CDIP1: variants seen among roughly 807,000 people sequenced by gnomAD.
The protein encoded by CDIP1 is cell death inducing p53 target 1.
In CDIP1, 9 loss-of-function variants were observed where a neutral mutation model predicts 17.7. That is an observed-to-expected ratio of 0.51 (90% CI 0.31 to 0.89). The LOEUF (loss-of-function observed/expected upper bound fraction) is 0.89. Ranked by LOEUF, CDIP1 falls within the 40% of genes least tolerant of loss-of-function variation. The pLI, the probability that CDIP1 is intolerant of heterozygous loss-of-function variation, is 0.05. For synonymous variants in CDIP1, 117 were observed against 109.5 expected (o/e 1.07, Z -0.43); for missense variants, 263 against 277.9 (o/e 0.95, Z 0.38).
Position 4,512,332 on chromosome 16 carries a change from C to A in CDIP1, c.*240G>T, listed in dbSNP as rs1390853411. 5.1e-6 allele frequency: 3 copies of A among 584,618 alleles called. No homozygotes were observed. The highest frequency in any genetic ancestry group is 2.0e-5 in the South Asian group (1 of 50,124). 36.2% of individuals were successfully genotyped at this position (584,618 alleles called of 1,614,324 possible). A position where few individuals can be genotyped will look rare whatever the true frequency, so the allele number is the denominator to read the frequency against. On this transcript the variant is annotated 3_prime_UTR_variant, in exon 6 of 6. Coordinates refer to ENST00000567695, the MANE Select transcript of CDIP1 (RefSeq NM_013399.3). This position sits in a 1 kb window ranked among gnomAD's most constrained non-coding sequence, Gnocchi z 4.6. ...CGATCACACACACCAAGCAGACCAACAACACACAAGCTCATTGTCAGCCCC... is the reference window on the plus strand; with the variant it reads ...CGATCACACACACCAAGCAGACCAAAAACACACAAGCTCATTGTCAGCCCC...
At chr16:4,521,993 G>A (rs1224011840) in intron 1 of CDIP1, among the ~76,000 whole-genome samples, 1 of 152,190 alleles carries the variant, frequency 6.6e-6, no homozygotes, top group Non-Finnish European at 1.5e-5. Context: ...AAAACAACAG[G>A]TATTGACGCC....
In CDIP1 at chr16:4,513,452, C is replaced by A. The variant is rs1188954625; in HGVS notation, c.241+244G>T. ...CTCCTGCACACAAGGCGCCCCTCCC[C>A]ACCCATGTCAGGTCCTGGTGTGCCA... On this transcript the variant is annotated intron_variant, in intron 4 of 5. Transcript: ENST00000567695. The surrounding 1 kb of genome is among the most constrained non-coding windows in gnomAD (Gnocchi z 4.1). Among the ~76,000 whole-genome samples the A allele has an allele frequency of 6.6e-6, 1 of 152,300 alleles. No homozygotes were observed. The highest frequency in any genetic ancestry group is 1.9e-4 in the East Asian group (1 of 5,178).
In CDIP1 at chr16:4,512,761, C is replaced by T. The variant is rs1231343311; in HGVS notation, c.515+30G>A. On this transcript the variant is annotated intron_variant, in intron 5 of 5. Transcript: ENST00000567695. This position sits in a 1 kb window ranked among gnomAD's most constrained non-coding sequence, Gnocchi z 4.6. ...GGCAGCCAGTTGACCCTGGTGCAGC[C>T]CCCACCCTACCAGTGCCCACACCAC... 6.3e-6 allele frequency: 10 copies of T among 1,597,448 alleles called. No individual in the cohort carries two copies. The highest frequency in any genetic ancestry group is 8.5e-6 in the Non-Finnish European group (10 of 1,171,398).
chr16:4,523,599 G>A (rs915023690), intron 1 of CDIP1, among the ~76,000 whole-genome samples: 5 of 151,968 alleles, frequency 3.3e-5, no homozygotes, highest in African/African-American at 1.2e-4. Flanking sequence ...CACCCCCCTC[G>A]CCAAAAAACC....
chr16:4,514,091 T>G lies in CDIP1; in HGVS notation c.40A>C (p.Thr14Pro). 1.4e-5 allele frequency: 21 copies of G among 1,542,080 alleles called. No individual in the cohort carries two copies. The highest frequency in any genetic ancestry group is 1.8e-5 in the Non-Finnish European group (21 of 1,155,286). ...EPPPPYPGGP[T>P]APLLEEKSGA... Reference sequence around the variant, plus strand: ...CTTTTCTCTTCCAGAAGTGGGGCTGTGGGGCCCCCAGGATAAGGAGGGGGA... The same window carrying G: ...CTTTTCTCTTCCAGAAGTGGGGCTGGGGGGCCCCCAGGATAAGGAGGGGGA... The change falls in exon 3 of 6, where the codon ACA (threonine) becomes CCA (proline). Residue 14 changes from threonine (T) to proline (P), a missense_variant. By Grantham distance (38) the Thr-to-Pro change is conservative. Transcript: ENST00000567695. The surrounding 1 kb of genome is among the most constrained non-coding windows in gnomAD (Gnocchi z 5.2).
chr16:4,524,477 T>TA (rs1482302095), intron 1 of CDIP1, among the ~76,000 whole-genome samples: 1 of 152,138 alleles, frequency 6.6e-6, no homozygotes, highest in African/African-American at 2.4e-5. Context: ...CGAGCTTTCT[T>TA]AGAGTGACAA....
intron 1 of CDIP1, among the ~76,000 whole-genome samples, chr16:4,524,588 T>C (rs531147115): frequency 6.6e-6 from 1 of 152,184 alleles, no homozygotes; most frequent in East Asian, 1.9e-4. Flanking sequence ...CTTTCCTGCC[T>C]TCCTCCCATC....
rs1388458480 is a variant in CDIP1 at position 4,514,186 on chromosome 16, G to T, written c.-14-42C>A. On this transcript the variant is annotated intron_variant, in intron 2 of 5. Transcript: ENST00000567695. The surrounding 1 kb of genome is among the most constrained non-coding windows in gnomAD (Gnocchi z 5.2). ...AACCCAGACATGAACTAAGCTCCCA[G>T]CCAGGTTCCTTCTCCTTCAGCCCTG... The T allele has an allele frequency of 1.7e-5, 20 of 1,191,702 alleles. No individual in the cohort carries two copies. The highest frequency in any genetic ancestry group is 2.3e-5 in the Non-Finnish European group (20 of 857,286). The allele number at this position is 1,191,702 out of a possible 1,614,324, so 73.8% of individuals were successfully genotyped here. A position where few individuals can be genotyped will look rare whatever the true frequency, so the allele number is the denominator to read the frequency against.
intron 1 of CDIP1, among the ~76,000 whole-genome samples, chr16:4,521,619 C>G (rs745312740): frequency 1.4e-5 from 2 of 147,662 alleles, no homozygotes; most frequent in East Asian, 2.1e-4. Context: ...TTCCAGCACT[C>G]GGGGAGGCCG....
chr16:4,526,087 G>A (rs375279842), intron 1 of CDIP1, among the ~76,000 whole-genome samples: 6 of 152,016 alleles, frequency 3.9e-5, no homozygotes, highest in East Asian at 1.9e-4. Flanking sequence ...GCTCCTCCTC[G>A]ACCATGATGA....
chr16:4,512,392 C>A lies in CDIP1; in HGVS notation c.*180G>T. On this transcript the variant is annotated 3_prime_UTR_variant, in exon 6 of 6. Coordinates refer to ENST00000567695, the MANE Select transcript of CDIP1 (RefSeq NM_013399.3). This position sits in a 1 kb window ranked among gnomAD's most constrained non-coding sequence, Gnocchi z 4.6. ...ACTGACCCTTGGCCTTAAATCCCAA[C>A]AGAATTTTTGCCAGAAGAGTCAGCG... 4.9e-6 allele frequency: 3 copies of A among 612,316 alleles called. No homozygotes were observed. The highest frequency in any genetic ancestry group is 1.9e-5 in the South Asian group (1 of 52,518). 37.9% of individuals were successfully genotyped at this position (612,316 alleles called of 1,614,324 possible).
At chr16:4,535,312 A>T (rs965470413) in intron 1 of CDIP1, among the ~76,000 whole-genome samples, 1 of 152,214 alleles carries the variant, frequency 6.6e-6, no homozygotes. Context: ...CTCAATGTAC[A>T]GACCAAGCCA....
At chr16:4,534,709 T>C (rs979175471) in intron 1 of CDIP1, among the ~76,000 whole-genome samples, 2 of 151,706 alleles carry the variant, frequency 1.3e-5, no homozygotes, top group East Asian at 3.9e-4. Context: ...TTTTTTTTTT[T>C]TTTTGGTTTT....
At chr16:4,533,047 G>C (rs1053638190) in intron 1 of CDIP1, 1 of 152,198 alleles carries the variant, frequency 6.6e-6, no homozygotes, top group African/African-American at 2.4e-5. Flanking sequence ...CCTCCATGGA[G>C]GTCACTCACC....
In CDIP1 at chr16:4,513,579, G is replaced by T; in HGVS notation, c.241+117C>A. 2.4e-6 allele frequency: 2 copies of T among 847,924 alleles called. No individual in the cohort carries two copies. Among genetic ancestry groups the T allele is most frequent in the Non-Finnish European group, 3.8e-6 (2 of 524,152 alleles). 52.5% of individuals were successfully genotyped at this position (847,924 alleles called of 1,614,324 possible). ...CCTGAGCCCTAGGCAAGGGCTGGTT[G>T]GGCGTGTTGGAGTCCCTGCCCTACA... On this transcript the variant is annotated intron_variant, in intron 4 of 5. Transcript: ENST00000567695. The surrounding 1 kb of genome is among the most constrained non-coding windows in gnomAD (Gnocchi z 4.1).
intron 1 of CDIP1, chr16:4,536,845 G>C (rs1157586387): frequency 6.6e-6 from 1 of 151,488 alleles, no homozygotes; most frequent in Non-Finnish European, 1.5e-5. Flanking sequence ...CAGGAGGATC[G>C]CTGGAGACAA....
chr16:4,524,551 G>A (rs1282774314), intron 1 of CDIP1, among the ~76,000 whole-genome samples: 4 of 152,202 alleles, frequency 2.6e-5, no homozygotes, highest in Middle Eastern at 3.4e-3. Flanking sequence ...AGGGCAAGCC[G>A]ACTCAGCCCG....
At position 4,514,003 on chromosome 16, in the gene CDIP1, C is replaced by T; in HGVS notation, c.85+43G>A. Reference sequence around the variant, plus strand: ...GAGAGTCCCAACCATGCCATGGCGGCAGGGGGCTGCAATATGGAGCCTCAG... The same window carrying T: ...GAGAGTCCCAACCATGCCATGGCGGTAGGGGGCTGCAATATGGAGCCTCAG... On this transcript the variant is annotated intron_variant, in intron 3 of 5. Transcript: ENST00000567695. This position sits in a 1 kb window ranked among gnomAD's most constrained non-coding sequence, Gnocchi z 5.2. The T allele has an allele frequency of 7.3e-7, 1 of 1,364,106 alleles. No individual in the cohort carries two copies. Among genetic ancestry groups the T allele is most frequent in the Non-Finnish European group, 9.9e-7 (1 of 1,009,716 alleles). The allele number at this position is 1,364,106 out of a possible 1,614,324, so 84.5% of individuals were successfully genotyped here.
In CDIP1 at chr16:4,514,988, T is replaced by G. The variant is rs572557419; in HGVS notation, c.-104-324A>C. 1 of 152,638 alleles carries G rather than the reference T, an allele frequency of 6.6e-6. No homozygotes were observed. The highest frequency in any genetic ancestry group is 1.5e-5 in the Non-Finnish European group (1 of 68,224). 9.5% of individuals were successfully genotyped at this position (152,638 alleles called of 1,614,324 possible). On this transcript the variant is annotated intron_variant, in intron 1 of 5. Coordinates refer to ENST00000567695, the MANE Select transcript of CDIP1 (RefSeq NM_013399.3). This position sits in a 1 kb window ranked among gnomAD's most constrained non-coding sequence, Gnocchi z 5.2. ...TGCTCTGGCCTGTGCCCTTCTGGTT[T>G]GTTTGTTGAGGTGGGGGTCAGGGGG... is the stretch of plus-strand genomic sequence containing the variant.
Sources: allele counts gnomAD v4.1 joint callset (sites outside exome capture counted in the v4.1 genomes callset), GRCh38; gene constraint gnomAD v4.1.1; non-coding constraint Gnocchi (gnomAD v3.1); transcripts MANE v1.5; gene names NCBI Gene and HGNC (gene_info 2026-07-23, HGNC 2026-07-21).